The following OR2T6 variants were observed in gnomAD, a reference collection of about 807,000 sequenced individuals.
The protein encoded by OR2T6 is olfactory receptor 2T6.
For missense variants in OR2T6, 424 were observed against 391.6 expected (o/e 1.08, Z -0.70); for synonymous variants, 174 against 148.0 (o/e 1.18, Z -1.27).
At position 248,388,993 on chromosome 1, in the gene OR2T6, T is replaced by A. The variant is rs997187299; in HGVS notation, c.*458T>A. The A allele has an allele frequency of 6.3e-6, 1 of 159,312 alleles. No homozygotes were observed. The highest frequency in any genetic ancestry group is 1.4e-5 in the Non-Finnish European group (1 of 73,348). The allele number at this position is 159,312 out of a possible 1,614,324, so 9.9% of individuals were successfully genotyped here. ...AAGACATATGAAAGAGACTAAACTG[T>A]CATAAAACTGTAAAAGAAAAATCTA... On this transcript the variant is annotated 3_prime_UTR_variant, in exon 3 of 3. Coordinates refer to ENST00000641644, the MANE Select transcript of OR2T6 (RefSeq NM_001005471.2).
chr1:248,387,852 C>G lies in OR2T6; in HGVS notation c.244C>G (p.Leu82Val). 1 of 1,599,308 alleles carries G rather than the reference C, an allele frequency of 6.3e-7. No homozygotes were observed. Among genetic ancestry groups the G allele is most frequent in the South Asian group, 1.1e-5 (1 of 89,784 alleles). ...LYISTIVPKMLVDYLMGEGTI... is the reference protein window; with the variant it reads ...LYISTIVPKMVVDYLMGEGTI... ...CATCTCCACCATTGTGCCCAAGATG[C>G]TGGTAGATTATCTCATGGGCGAGGG... The change falls in exon 3 of 3, where the codon CTG (leucine) becomes GTG (valine). Residue 82 changes from leucine to valine, a missense_variant. By Grantham distance (32) the Leu-to-Val change is conservative (BLOSUM62 1). Coordinates refer to ENST00000641644, the MANE Select transcript of OR2T6 (RefSeq NM_001005471.2).
intron 1 of OR2T6, among the ~76,000 whole-genome samples, chr1:248,378,170 A>AT (rs890950937): frequency 1.3e-5 from 2 of 152,148 alleles, no homozygotes; most frequent in African/African-American, 2.4e-5. Flanking sequence ...TAAAAGATGG[A>AT]TTTTTTAAGT....
intron 1 of OR2T6, among the ~76,000 whole-genome samples, chr1:248,377,040 A>G (rs1365264889): frequency 6.6e-6 from 1 of 152,176 alleles, no homozygotes; most frequent in Non-Finnish European, 1.5e-5. Context: ...TGGACACACT[A>G]AGAGACAGTA....
chr1:248,378,611 G>C (rs972297207), intron 1 of OR2T6, among the ~76,000 whole-genome samples: 2 of 152,028 alleles, frequency 1.3e-5, no homozygotes, highest in Non-Finnish European at 2.9e-5. Context: ...TTTAGTTGTT[G>C]AGCCTTGTTT....
chr1:248,379,612 C>A (rs1660999066), intron 1 of OR2T6, among the ~76,000 whole-genome samples: 1 of 152,036 alleles, frequency 6.6e-6, no homozygotes, highest in Non-Finnish European at 1.5e-5. Flanking sequence ...AATTAATATT[C>A]ATTTGGGAAA....
At chr1:248,376,440 A>G (rs1660939641) in intron 1 of OR2T6, among the ~76,000 whole-genome samples, 1 of 152,226 alleles carries the variant, frequency 6.6e-6, no homozygotes, top group South Asian at 2.1e-4. Flanking sequence ...AACTAAAAAC[A>G]TAGGTTACTG....
rs1419789521 is a variant in OR2T6 at position 248,389,507 on chromosome 1, G to A, written c.*972G>A. The A allele has an allele frequency of 6.6e-6, 1 of 152,194 alleles. No individual in the cohort carries two copies. Among genetic ancestry groups the A allele is most frequent in the Non-Finnish European group, 1.5e-5 (1 of 68,036 alleles). The allele number at this position is 152,194 out of a possible 1,614,324, so 9.4% of individuals were successfully genotyped here. ...ATTAGAACTGGAAACCCTTGTAAAT[G>A]ACTTAGTGTCATGAGCGGTGCAAAG... On this transcript the variant is annotated 3_prime_UTR_variant, in exon 3 of 3. Coordinates refer to ENST00000641644, the MANE Select transcript of OR2T6 (RefSeq NM_001005471.2).
chr1:248,381,223 T>C (rs1238655476), intron 1 of OR2T6, among the ~76,000 whole-genome samples: 1 of 152,048 alleles, frequency 6.6e-6, no homozygotes, highest in Non-Finnish European at 1.5e-5. Flanking sequence ...CTGATTTGGT[T>C]AATCTTTTTC....
At chr1:248,386,444 TC>T (rs1219897001) in intron 2 of OR2T6, among the ~76,000 whole-genome samples, 1 of 152,040 alleles carries the variant, frequency 6.6e-6, no homozygotes, top group African/African-American at 2.4e-5. Flanking sequence ...ACCTGGTCTA[TC>T]CCAGTCTAAG....
At chr1:248,382,772 C>A (rs1444621014) in intron 1 of OR2T6, among the ~76,000 whole-genome samples, 1 of 152,168 alleles carries the variant, frequency 6.6e-6, no homozygotes, top group East Asian at 1.9e-4. Context: ...GATCCACCCA[C>A]TTTGGCCTCC....
chr1:248,387,211 T>A (rs1450728460), intron 2 of OR2T6, among the ~76,000 whole-genome samples: 1 of 152,256 alleles, frequency 6.6e-6, no homozygotes, highest in Non-Finnish European at 1.5e-5. Flanking sequence ...GCCAATGGCC[T>A]ATTGAATTAT....
At chr1:248,385,299 A>G (rs76285494) in intron 2 of OR2T6, among the ~76,000 whole-genome samples, 6,915 of 152,284 alleles carry the variant, frequency 0.045, 568 homozygotes, top group African/African-American at 0.16. Context: ...AATTTTCAGT[A>G]TAGATAAAAA....
At chr1:248,385,004 G>A (rs528896161) in intron 2 of OR2T6, 140 bp downstream of exon 2, 10 of 152,310 alleles carry the variant, frequency 6.6e-5, no homozygotes, top group Non-Finnish European at 1.3e-4. Flanking sequence ...GAAGTCTCCT[G>A]TTCACTGTGC....
In OR2T6 at chr1:248,375,774, G is replaced by C. The variant is rs925895621; in HGVS notation, c.-439G>C. The C allele has an allele frequency of 6.0e-5, 9 of 150,446 alleles. No individual in the cohort carries two copies. The South Asian group carries it at 6.4e-4, about 11-fold the overall frequency. The allele number at this position is 150,446 out of a possible 1,614,324, so 9.3% of individuals were successfully genotyped here. ...TCTTCCCTCTTTGGTTCCTGGAGCT[G>C]TGTGCACAGTGCTGAAGTATGACAT... is the stretch of plus-strand genomic sequence containing the variant. On this transcript the variant is annotated 5_prime_UTR_variant, in exon 1 of 3. Coordinates refer to ENST00000641644, the MANE Select transcript of OR2T6 (RefSeq NM_001005471.2).
intron 1 of OR2T6, among the ~76,000 whole-genome samples, chr1:248,378,364 C>T (rs980965120): frequency 6.6e-6 from 1 of 152,162 alleles, no homozygotes; most frequent in Non-Finnish European, 1.5e-5. Flanking sequence ...AAAAAGTTTT[C>T]ATAAAGAAAT....
At chr1:248,379,297 C>G (rs1321287378) in intron 1 of OR2T6, among the ~76,000 whole-genome samples, 2 of 152,158 alleles carry the variant, frequency 1.3e-5, no homozygotes, top group Non-Finnish European at 2.9e-5. Context: ...GGGATTCCTG[C>G]AAGAAGTATA....
At chr1:248,384,918 C>G (rs1661110299) in intron 2 of OR2T6, 54 bp downstream of exon 2, 1 of 152,186 alleles carries the variant, frequency 6.6e-6, no homozygotes, top group Non-Finnish European at 1.5e-5. Context: ...GAAGGAAAAA[C>G]TTAGAAAGGA....
Position 248,390,582 on chromosome 1 carries a change from C to G in OR2T6, c.*2047C>G, listed in dbSNP as rs1390791010. The G allele has an allele frequency of 6.6e-6, 1 of 152,216 alleles. No homozygotes were observed. The highest frequency in any genetic ancestry group is 2.4e-5 in the African/African-American group (1 of 41,448). 9.4% of individuals were successfully genotyped at this position (152,216 alleles called of 1,614,324 possible). Reference sequence around the variant, plus strand: ...ATAGACCAGGTCTTGCCTAACAGAGCAGGGTTTTCAGTTGAAATCCAGGAA... The same window carrying G: ...ATAGACCAGGTCTTGCCTAACAGAGGAGGGTTTTCAGTTGAAATCCAGGAA... On this transcript the variant is annotated 3_prime_UTR_variant, in exon 3 of 3. Coordinates refer to ENST00000641644, the MANE Select transcript of OR2T6 (RefSeq NM_001005471.2).
At chr1:248,379,402 A>T (rs762842124) in intron 1 of OR2T6, among the ~76,000 whole-genome samples, 3 of 152,104 alleles carry the variant, frequency 2.0e-5, no homozygotes, top group Non-Finnish European at 4.4e-5. Flanking sequence ...TCTGGGAGAG[A>T]GGTGCCAGGA....
Sources: allele counts gnomAD v4.1 joint callset (sites outside exome capture counted in the v4.1 genomes callset), GRCh38; gene constraint gnomAD v4.1.1; transcripts MANE v1.5; gene names NCBI Gene and HGNC (gene_info 2026-07-23, HGNC 2026-07-21).